CDH5: variants seen among roughly 807,000 people sequenced by gnomAD.
CDH5 encodes cadherin-5.
A neutral mutation model predicts 62.0 loss-of-function variants in CDH5; 28 were observed. The ratio of observed to expected loss-of-function variants is 0.45; its 90% CI spans 0.33 to 0.62. CDH5 has a LOEUF of 0.62. Among genes scored for constraint, CDH5 ranks in the 20% least tolerant of loss-of-function variants. The pLI is 0.02. For synonymous variants in CDH5, 464 were observed against 445.8 expected (o/e 1.04, Z -0.52); for missense variants, 940 against 1,065.1 (o/e 0.88, Z 1.63).
At chr16:66,371,781 AGGACCAGCCCAGGGGCTGAGGGGCT>A (rs960901133) in intron 1 of CDH5, among the ~76,000 whole-genome samples, 49 of 152,218 alleles carry the variant, frequency 3.2e-4, no homozygotes, top group African/African-American at 9.4e-4. Flanking sequence ...GCTCAGGGGC[AGGACCAGCCCAGGGGCTGAGGGGCT>A]GGACCAGCCC....
At position 66,403,020 on chromosome 16, in the gene CDH5, T is replaced by C. The variant is rs763539133; in HGVS notation, c.2206T>C (p.Ser736Pro). ...GCTGCACATCTACGGCTACGAGGGCTCCGAGTCCATAGCCGAGTCCCTCAG... is the reference window on the plus strand; with the variant it reads ...GCTGCACATCTACGGCTACGAGGGCCCCGAGTCCATAGCCGAGTCCCTCAG... ...DTLHIYGYEG[S>P]ESIAESLSSL... The change falls in exon 12 of 12, where the codon TCC becomes CCC. Residue 736 changes from serine to proline, a missense_variant. Coordinates refer to ENST00000341529, the MANE Select transcript of CDH5 (RefSeq NM_001795.5). The surrounding 1 kb of genome is among the most constrained non-coding windows in gnomAD (Gnocchi z 4.3). 4.3e-6 allele frequency: 7 copies of C among 1,613,184 alleles called. No homozygotes were observed. Among genetic ancestry groups the C allele is most frequent in the African/African-American group, 1.3e-5 (1 of 74,980 alleles).
chr16:66,398,555 A>G lies in CDH5; in HGVS notation c.1585A>G (p.Asn529Asp). The change falls in exon 10 of 12, where the codon AAT becomes GAT. Residue 529 changes from asparagine to aspartate, a missense_variant. By Grantham distance (23) the Asn-to-Asp change is conservative. Coordinates refer to ENST00000341529, the MANE Select transcript of CDH5 (RefSeq NM_001795.5). ...TGAGAACAACTTTACCCTCACGGATAATCACGGTAGGCATCAAAGTAATCA... is the reference window on the plus strand; with the variant it reads ...TGAGAACAACTTTACCCTCACGGATGATCACGGTAGGCATCAAAGTAATCA... ...NTENNFTLTD[N>D]HDNTANITVK... 1.3e-6 allele frequency: 2 copies of G among 1,518,990 alleles called. No individual in the cohort carries two copies. Among genetic ancestry groups the G allele is most frequent in the Non-Finnish European group, 1.8e-6 (2 of 1,093,218 alleles). The allele number at this position is 1,518,990 out of a possible 1,614,324, so 94.1% of individuals were successfully genotyped here. A position where few individuals can be genotyped will look rare whatever the true frequency, so the allele number is the denominator to read the frequency against.
chr16:66,402,619 G>C (rs1232501025), intron 11 of CDH5, 33 bp from the exon 12 acceptor site: 1 of 1,523,956 alleles, frequency 6.6e-7, no homozygotes, highest in Non-Finnish European at 8.8e-7. Flanking sequence ...CCCCAGCCTT[G>C]TCTGACTCTG....
At position 66,392,300 on chromosome 16, in the gene CDH5, C is replaced by T; in HGVS notation, c.1134C>T (p.His378=). 3 of 1,614,176 alleles carry T rather than the reference C, an allele frequency of 1.9e-6. No individual in the cohort carries two copies. Among genetic ancestry groups the T allele is most frequent in the Non-Finnish European group, 2.5e-6 (3 of 1,180,030 alleles). ...CCATTTTCCAGCAGCCTTTCTACCA[C>T]TTCCAGCTGAAGGAAAACCAGAAGA... The part of the protein sequence containing the change: ...EPPIFQQPFY[H]FQLKENQKKP... The change falls in exon 7 of 12, where the codon CAC becomes CAT. Residue 378 remains histidine (H), a synonymous_variant. Transcript: ENST00000341529.
intron 2 of CDH5, among the ~76,000 whole-genome samples, chr16:66,382,124 AG>A (rs1960909104): frequency 6.6e-6 from 1 of 152,222 alleles, no homozygotes; most frequent in African/African-American, 2.4e-5. Context: ...CAGACTGAGA[AG>A]GCCGGTGTGG....
chr16:66,382,581 G>A (rs1428979204), intron 2 of CDH5, among the ~76,000 whole-genome samples: 1 of 152,176 alleles, frequency 6.6e-6, no homozygotes, highest in Non-Finnish European at 1.5e-5. Flanking sequence ...GTGAGTCAGG[G>A]AAAGTCCGTA....
chr16:66,382,269 G>T (rs572087754), intron 2 of CDH5, among the ~76,000 whole-genome samples: 11 of 152,280 alleles, frequency 7.2e-5, no homozygotes, highest in African/African-American at 2.6e-4. Context: ...ATCTCCACTC[G>T]GAGCCCCACC....
intron 1 of CDH5, among the ~76,000 whole-genome samples, chr16:66,373,683 A>G (rs112678951): frequency 1.3e-5 from 2 of 152,238 alleles, no homozygotes; most frequent in East Asian, 3.9e-4. Context: ...TCCCAAAGTT[A>G]GTGGCCAAAT....
At chr16:66,376,206 C>G (rs1180796125) in intron 1 of CDH5, 7 of 152,182 alleles carry the variant, frequency 4.6e-5, no homozygotes, top group Admixed American at 4.6e-4. Flanking sequence ...CTACCATCAC[C>G]CCAAACACAC....
chr16:66,373,969 A>C (rs917615613), intron 1 of CDH5, among the ~76,000 whole-genome samples: 2 of 152,146 alleles, frequency 1.3e-5, no homozygotes, highest in African/African-American at 4.8e-5. Context: ...TTACATGTGA[A>C]TGTCACCACA....
In CDH5 at chr16:66,402,432, G is replaced by A. The variant is rs12933972; in HGVS notation, c.1838-220G>A. Among the ~76,000 whole-genome samples the A allele has an allele frequency of 1.1e-3, 142 of 124,776 alleles. 3 individuals are homozygous for A. The highest frequency in any genetic ancestry group is 1.6e-3 in the Non-Finnish European group (93 of 59,066). The allele number at this position is 124,776 out of a possible 152,430, so 81.9% of individuals were successfully genotyped here. The stretch of plus-strand genomic sequence containing the variant: ...CGGCAGGGACGGGGTGTGGGGTGTA[G>A]GGGGATGGCGGGGATGGGGGTATGG... On this transcript the variant is annotated intron_variant, in intron 11 of 11. Transcript: ENST00000341529.
intron 1 of CDH5, 187 bp from the exon 2 acceptor site, chr16:66,379,132 A>AACCG: frequency 1.8e-6 from 1 of 547,594 alleles, no homozygotes; most frequent in Non-Finnish European, 3.1e-6. Flanking sequence ...GTTGTCCTAA[A>AACCG]ACCGACCTTT....
chr16:66,390,743 T>C (rs562164053), intron 6 of CDH5, among the ~76,000 whole-genome samples, 153 bp downstream of exon 6: 1 of 152,146 alleles, frequency 6.6e-6, no homozygotes, highest in Non-Finnish European at 1.5e-5. Flanking sequence ...TGATCCAGTG[T>C]CTTAGGCCGA....
chr16:66,384,993 G>A (rs534266235), intron 2 of CDH5, among the ~76,000 whole-genome samples: 23 of 152,178 alleles, frequency 1.5e-4, no homozygotes, highest in East Asian at 3.9e-4. Flanking sequence ...AAGCAATGTT[G>A]CACTTCCTCA....
At chr16:66,374,250 G>A (rs933346614) in intron 1 of CDH5, among the ~76,000 whole-genome samples, 2 of 152,224 alleles carry the variant, frequency 1.3e-5, no homozygotes, top group Non-Finnish European at 2.9e-5. Flanking sequence ...GCTGTCTCGG[G>A]AGGGTGCTCA....
In CDH5 at chr16:66,369,050, C is replaced by T. The variant is rs370895131; in HGVS notation, c.-20+2292C>T. Among the ~76,000 whole-genome samples, 163 of 152,298 alleles carry T rather than the reference C, an allele frequency of 1.1e-3. 1 individual carries two copies. Among genetic ancestry groups the T allele is most frequent in the African/African-American group, 3.7e-3 (154 of 41,572 alleles). ...GATGCTAGGAGGCCTTGGGCAGCCC[C>T]TCTGCAGCCTGCACCTCAGTCTTCC... is the stretch of plus-strand genomic sequence containing the variant. On this transcript the variant is annotated intron_variant, in intron 1 of 11. Transcript: ENST00000341529.
intron 10 of CDH5, among the ~76,000 whole-genome samples, chr16:66,398,908 A>G (rs1322030336): frequency 6.6e-6 from 1 of 152,198 alleles, no homozygotes; most frequent in African/African-American, 2.4e-5. Flanking sequence ...CAATTGGTCT[A>G]TGCAATGGTC....
At chr16:66,402,290 C>T (rs996083356) in intron 11 of CDH5, among the ~76,000 whole-genome samples, 1 of 151,304 alleles carries the variant, frequency 6.6e-6, no homozygotes, top group South Asian at 2.1e-4. Flanking sequence ...CCAAGACCCT[C>T]ACATAGCCAC....
rs1961332869 is a variant in CDH5, at chr16:66,403,320, AG to A, written c.*152del. ...CCAGAGACCTCATCAGCCTTGGGAT[AG>A]CAAACTCCAGGTTCCTGAAATATCC... On this transcript the variant is annotated 3_prime_UTR_variant, in exon 12 of 12. Transcript: ENST00000341529. The surrounding 1 kb of genome is among the most constrained non-coding windows in gnomAD (Gnocchi z 4.3). 4 of 644,106 alleles carry A rather than the reference AG, an allele frequency of 6.2e-6. No individual in the cohort carries two copies. The highest frequency in any genetic ancestry group is 1.1e-5 in the Non-Finnish European group (4 of 376,620). The allele number at this position is 644,106 out of a possible 1,614,324, so 39.9% of individuals were successfully genotyped here. A position where few individuals can be genotyped will look rare whatever the true frequency, so the allele number is the denominator to read the frequency against.
Sources: gnomAD v4.1 joint callset for allele counts (sites outside exome capture counted in the v4.1 genomes callset) on GRCh38, gnomAD v4.1.1 for gene constraint, Gnocchi (gnomAD v3.1) non-coding constraint, MANE v1.5 for transcripts, NCBI Gene and HGNC (gene_info 2026-07-23, HGNC 2026-07-21) for gene names.